The following IL15RA variants were observed in gnomAD, a reference collection of about 807,000 sequenced individuals.
IL15RA encodes interleukin-15 receptor subunit alpha.
Under a neutral mutation model 24.2 loss-of-function variants are expected in IL15RA, and 26 were observed. That is an observed-to-expected ratio of 1.07 (90% confidence interval 0.79 to 1.49). The LOEUF (loss-of-function observed/expected upper bound fraction) is 1.49, where lower values mean the gene tolerates loss of function less well. IL15RA is among the 40% of genes most tolerant of loss of function. IL15RA has a pLI of 0.00. For synonymous variants in IL15RA, 166 were observed against 157.6 expected (o/e 1.05, Z -0.40); for missense variants, 354 against 356.4 (o/e 0.99, Z 0.05).
rs754823751 is a variant in IL15RA, at chr10:5,953,154, C to T, written c.745G>A (p.Val249Met). 1.9e-6 allele frequency: 3 copies of T among 1,614,266 alleles called. No individual in the cohort carries two copies. In the South Asian group the frequency reaches 3.3e-5, roughly 18 times the overall value. Residue 249 changes from valine (V) to methionine (M), a missense_variant, in exon 7 of 7, where the codon GTG becomes ATG. Coordinates refer to ENST00000379977, the MANE Select transcript of IL15RA (RefSeq NM_002189.4). This position sits in a 1 kb window ranked among gnomAD's most constrained non-coding sequence, Gnocchi z 5.3. ...TCTCTGCTGCTGGTCCCCCAAGTCA[C>T]CGGCAGAGCCTCCATGGCTTCCATT... ...VEMEAMEALP[V>M]TWGTSSRDED...
At position 5,961,701 on chromosome 10, in the gene IL15RA, C is replaced by T. The variant is rs1835576177; in HGVS notation, c.383-1134G>A. On this transcript the variant is annotated intron_variant, in intron 3 of 6. Transcript: ENST00000379977. The surrounding 1 kb of genome is among the most constrained non-coding windows in gnomAD (Gnocchi z 5.2). ...TGTCCTTCCCTGGAAGGTGGCTGCC[C>T]CTGCACTGTAAGGGTGTGGCGTAAC... 6.6e-6 allele frequency among the ~76,000 whole-genome samples: 1 copy of T among 152,208 alleles called. No individual in the cohort carries two copies. Among genetic ancestry groups the T allele is most frequent in the African/African-American group, 2.4e-5 (1 of 41,446 alleles).
chr10:5,977,708 G>T, upstream of IL15RA: 1 of 1,176,220 alleles, frequency 8.5e-7, no homozygotes, highest in Non-Finnish European at 1.1e-6. Context: ...GCCGGCCGCC[G>T]CGGCACCGCA....
chr10:5,967,267 C>T lies in IL15RA; in HGVS notation c.89-928G>A, dbSNP rs1190777016. On this transcript the variant is annotated intron_variant, in intron 1 of 6. Coordinates refer to ENST00000379977, the MANE Select transcript of IL15RA (RefSeq NM_002189.4). The surrounding 1 kb of genome is among the most constrained non-coding windows in gnomAD (Gnocchi z 4.4). ...GTCACCAGGCTGGAGTGCAGTGGCA[C>T]GATCTTGGCTCACTGCAACCTCCAC... is the stretch of plus-strand genomic sequence containing the variant. Among the ~76,000 whole-genome samples, 1 of 152,052 alleles carries T rather than the reference C, an allele frequency of 6.6e-6. No individual in the cohort carries two copies. The highest frequency in any genetic ancestry group is 2.4e-5 in the African/African-American group (1 of 41,394).
At position 5,958,980 on chromosome 10, in the gene IL15RA, C is replaced by T. The variant is rs1318597667; in HGVS notation, c.616+774G>A. On this transcript the variant is annotated intron_variant, in intron 5 of 6. Coordinates refer to ENST00000379977, the MANE Select transcript of IL15RA (RefSeq NM_002189.4). This position sits in a 1 kb window ranked among gnomAD's most constrained non-coding sequence, Gnocchi z 4.3. ...CTTCTTCCTCCTGTTCTCCCCTCCT[C>T]TCTCAGCTCTCCTCCCCTCCCTTCA... Among the ~76,000 whole-genome samples the T allele has an allele frequency of 6.6e-6, 1 of 152,022 alleles. No individual in the cohort carries two copies. The highest frequency in any genetic ancestry group is 2.1e-4 in the South Asian group (1 of 4,814).
rs1336098911 is a variant in IL15RA, at chr10:5,971,472, C to T, written c.89-5133G>A. Among the ~76,000 whole-genome samples the T allele has an allele frequency of 3.3e-5, 5 of 152,216 alleles. No homozygotes were observed. The highest frequency in any genetic ancestry group is 4.8e-5 in the African/African-American group (2 of 41,454). On this transcript the variant is annotated intron_variant, in intron 1 of 6. Transcript: ENST00000379977. This position sits in a 1 kb window ranked among gnomAD's most constrained non-coding sequence, Gnocchi z 5.5. Reference sequence around the variant, plus strand: ...AGAGTCTAATAAGAGCTGGCAGCCTCGGCCTGGTTCCATATCCAGAGTTCA... The same window carrying T: ...AGAGTCTAATAAGAGCTGGCAGCCTTGGCCTGGTTCCATATCCAGAGTTCA...
rs1014536348 is a variant in IL15RA, at chr10:5,975,669, A to G, written c.88+1736T>C. ...TGGAAGGCCGAGGCGGGCAGATCAC[A>G]AGGTCAGGAGTGATCACCATGTTGG... On this transcript the variant is annotated intron_variant, in intron 1 of 6. Transcript: ENST00000379977. The surrounding 1 kb of genome is among the most constrained non-coding windows in gnomAD (Gnocchi z 4.8). Among the ~76,000 whole-genome samples the G allele has an allele frequency of 2.6e-5, 4 of 152,028 alleles. No individual in the cohort carries two copies. Among genetic ancestry groups the G allele is most frequent in the African/African-American group, 9.7e-5 (4 of 41,390 alleles).
At chr10:5,950,719 T>G (rs1833802756), downstream of IL15RA, 1 of 152,280 alleles carries the variant, frequency 6.6e-6, no homozygotes, top group African/African-American at 2.4e-5. The surrounding 1 kb of genome is among the most constrained non-coding windows in gnomAD (Gnocchi z 5.6). Flanking sequence ...CCTGGCAGTT[T>G]CTATGTTCTT....
rs762002821 is a variant in IL15RA, at chr10:5,960,545, G to T, written c.405C>A (p.Ser135Arg). The change falls in exon 4 of 7, where the codon AGC becomes AGA. Residue 135 changes from serine (S) to arginine (R), a missense_variant. Ser to Arg is a moderately radical substitution (Grantham distance 110). Transcript: ENST00000379977. The surrounding 1 kb of genome is among the most constrained non-coding windows in gnomAD (Gnocchi z 5.1). ...CTGTTGTGGCCGCTGTGTTGTTTGA[G>T]CTGGGAGATGAAGCTGCGGGCTCTG... ...SGKEPAASSP[S>R]SNNTAATTAA... 11 of 1,614,132 alleles carry T rather than the reference G, an allele frequency of 6.8e-6. No individual in the cohort carries two copies. The Admixed American group carries it at 1.7e-4, about 24-fold the overall frequency.
chr10:5,960,657 T>A lies in IL15RA; in HGVS notation c.383-90A>T. 9.4e-7 allele frequency: 1 copy of A among 1,065,754 alleles called. No individual in the cohort carries two copies. Among genetic ancestry groups the A allele is most frequent in the Non-Finnish European group, 1.4e-6 (1 of 707,558 alleles). The allele number at this position is 1,065,754 out of a possible 1,614,324, so 66.0% of individuals were successfully genotyped here. A position where few individuals can be genotyped will look rare whatever the true frequency, so the allele number is the denominator to read the frequency against. On this transcript the variant is annotated intron_variant, in intron 3 of 6. Coordinates refer to ENST00000379977, the MANE Select transcript of IL15RA (RefSeq NM_002189.4). This position sits in a 1 kb window ranked among gnomAD's most constrained non-coding sequence, Gnocchi z 5.1. ...CGGGGTGATGTGGGAGCTGCCATAGTGAGTCACCCTGACCAGCCCTCCCTC... is the reference window on the plus strand; with the variant it reads ...CGGGGTGATGTGGGAGCTGCCATAGAGAGTCACCCTGACCAGCCCTCCCTC...
intron 1 of IL15RA, chr10:5,976,804 C>G (rs1173359992): frequency 6.6e-6 from 1 of 152,080 alleles, no homozygotes; most frequent in Non-Finnish European, 1.5e-5. Context: ...CCACCCCCAT[C>G]CGGTCCCGAC....
chr10:5,957,695 G>C (rs1261793477), intron 5 of IL15RA, among the ~76,000 whole-genome samples: 1 of 148,860 alleles, frequency 6.7e-6, no homozygotes, highest in Non-Finnish European at 1.5e-5. Flanking sequence ...AGGTTCAAAC[G>C]ATTCTCCTAC....
rs1564498023 is a variant in IL15RA at position 5,961,494 on chromosome 10, G to T, written c.383-927C>A. Among the ~76,000 whole-genome samples, 1 of 152,244 alleles carries T rather than the reference G, an allele frequency of 6.6e-6. No individual in the cohort carries two copies. The highest frequency in any genetic ancestry group is 1.5e-5 in the Non-Finnish European group (1 of 68,044). On this transcript the variant is annotated intron_variant, in intron 3 of 6. Transcript: ENST00000379977. The surrounding 1 kb of genome is among the most constrained non-coding windows in gnomAD (Gnocchi z 5.2). Reference sequence around the variant, plus strand: ...ACTAGAGAAGGCAGGCCCAACGCTGGAGGCTCAGCTGAGAGCAGGTGAAGC... The same window carrying T: ...ACTAGAGAAGGCAGGCCCAACGCTGTAGGCTCAGCTGAGAGCAGGTGAAGC...
downstream of IL15RA, among the ~76,000 whole-genome samples, chr10:5,950,464 AT>A (rs2132212437): frequency 6.6e-6 from 1 of 152,326 alleles, no homozygotes; most frequent in African/African-American, 2.4e-5. The surrounding 1 kb of genome is among the most constrained non-coding windows in gnomAD (Gnocchi z 5.6). Flanking sequence ...CCTCCTGGTC[AT>A]TCTGCCCATT....
Position 5,952,955 on chromosome 10 carries a change from G to A in IL15RA, c.*140C>T. The A allele has an allele frequency of 2.9e-6, 2 of 686,348 alleles. No homozygotes were observed. The highest frequency in any genetic ancestry group is 2.5e-5 in the East Asian group (1 of 39,416). The allele number at this position is 686,348 out of a possible 1,614,324, so 42.5% of individuals were successfully genotyped here. On this transcript the variant is annotated 3_prime_UTR_variant, in exon 7 of 7. Transcript: ENST00000379977. ...GCAGGAGGCGCCGACCCGGCAGTCCGTGAGATCCTGCTGGGACTTCTGAGA... is the reference window on the plus strand; with the variant it reads ...GCAGGAGGCGCCGACCCGGCAGTCCATGAGATCCTGCTGGGACTTCTGAGA...
chr10:5,954,134 C>G (rs1834171473), intron 6 of IL15RA: 1 of 150,996 alleles, frequency 6.6e-6, no homozygotes. Context: ...ACCAAATGAC[C>G]AAGTAATTAC....
intron 1 of IL15RA, among the ~76,000 whole-genome samples, chr10:5,974,455 A>G (rs1187460266): frequency 6.6e-6 from 1 of 152,264 alleles, no homozygotes; most frequent in Non-Finnish European, 1.5e-5. Flanking sequence ...TAGAATGGGT[A>G]AAATTAAAAA....
In IL15RA at chr10:5,968,012, T is replaced by C. The variant is rs1340257366; in HGVS notation, c.89-1673A>G. On this transcript the variant is annotated intron_variant, in intron 1 of 6. Transcript: ENST00000379977. This position sits in a 1 kb window ranked among gnomAD's most constrained non-coding sequence, Gnocchi z 5.4. ...AGGCGGAGGTTGCAGTGAGCCAAGATTGTGCCACTGCACTCGAGCCTGGGT... is the reference window on the plus strand; with the variant it reads ...AGGCGGAGGTTGCAGTGAGCCAAGACTGTGCCACTGCACTCGAGCCTGGGT... 6.6e-6 allele frequency among the ~76,000 whole-genome samples: 1 copy of C among 152,120 alleles called. No individual in the cohort carries two copies. Among genetic ancestry groups the C allele is most frequent in the East Asian group, 1.9e-4 (1 of 5,198 alleles).
intron 1 of IL15RA, chr10:5,969,040 C>T: frequency 7.1e-7 from 1 of 1,399,668 alleles, no homozygotes; most frequent in Admixed American, 2.1e-5. Flanking sequence ...GTGTGTGTTT[C>T]TGGCTGACTC....
rs1835869926 is a variant in IL15RA at position 5,963,065 on chromosome 10, C to G, written c.382+678G>C. Among the ~76,000 whole-genome samples, 1 of 152,206 alleles carries G rather than the reference C, an allele frequency of 6.6e-6. No individual in the cohort carries two copies. The highest frequency in any genetic ancestry group is 2.1e-4 in the South Asian group (1 of 4,822). On this transcript the variant is annotated intron_variant, in intron 3 of 6. Transcript: ENST00000379977. The surrounding 1 kb of genome is among the most constrained non-coding windows in gnomAD (Gnocchi z 5.3). Reference sequence around the variant, plus strand: ...CTGGTGGGGGCAGCTCTCCACAGGTCTCTCACATTTTTGCACATCTTGCAG... The same window carrying G: ...CTGGTGGGGGCAGCTCTCCACAGGTGTCTCACATTTTTGCACATCTTGCAG...
Sources: gnomAD v4.1 joint callset for allele counts (sites outside exome capture counted in the v4.1 genomes callset) on GRCh38, gnomAD v4.1.1 for gene constraint, Gnocchi (gnomAD v3.1) non-coding constraint, MANE v1.5 for transcripts, NCBI Gene and HGNC (gene_info 2026-07-23, HGNC 2026-07-21) for gene names.